SLC39A12: variants seen among roughly 807,000 people sequenced by gnomAD.
The protein encoded by SLC39A12 is solute carrier family 39 member 12.
In SLC39A12, 63 loss-of-function variants were observed where a neutral mutation model predicts 71.1. That is an observed-to-expected ratio of 0.89 (90% CI 0.72 to 1.09). SLC39A12 has a LOEUF of 1.09. Ranked by LOEUF, SLC39A12 falls within the 50% of genes least tolerant of loss-of-function variation. The probability of loss-of-function intolerance (pLI) is 0.00; values close to 1 mark genes in which losing one functional copy is unlikely to be tolerated. For synonymous variants in SLC39A12, 351 were observed against 301.3 expected, an observed-to-expected ratio of 1.16 and a Z score of -1.71; for missense variants, 892 against 812.6, an observed-to-expected ratio of 1.10 and a Z score of -1.19.
chr10:17,995,610 ATGGCC>A, intron 9 of SLC39A12, 41 bp from the exon 10 acceptor site: 1 of 1,538,054 alleles, frequency 6.5e-7, no homozygotes, highest in African/African-American at 1.4e-5. Context: ...CAACAAAATG[ATGGCC>A]ATTACTTATC....
rs1012657071 is a variant in SLC39A12 at position 18,042,705 on chromosome 10, C to T, written c.1948C>T (p.Leu650Phe). Residue 650 changes from leucine (L) to phenylalanine (F), a missense_variant and splice_region_variant, in exon 13 of 13, where the codon CTT becomes TTT. Leu to Phe is a conservative substitution (Grantham distance 22, BLOSUM62 0). Coordinates refer to ENST00000377369, the MANE Select transcript of SLC39A12 (RefSeq NM_001145195.2). ...TTCTGGTTTTTTATTCTTTTTTTAG[C>T]TTCCTGAAATGACTCATGTTCAAAC... ...MFLYLSLVEM[L>F]PEMTHVQTQR... The T allele has an allele frequency of 3.1e-6, 5 of 1,597,852 alleles. No homozygotes were observed. Among genetic ancestry groups the T allele is most frequent in the Non-Finnish European group, 4.3e-6 (5 of 1,174,868 alleles).
chr10:17,972,370 G>T (rs4747335), intron 4 of SLC39A12, among the ~76,000 whole-genome samples: 46,880 of 152,020 alleles, frequency 0.31, 7,503 homozygotes, highest in African/African-American at 0.36. Flanking sequence ...TAGTGCAGAT[G>T]AAGTTTAATG....
At chr10:18,011,415 TC>T (rs1475329763) in intron 12 of SLC39A12, among the ~76,000 whole-genome samples, 1 of 152,238 alleles carries the variant, frequency 6.6e-6, no homozygotes, top group African/African-American at 2.4e-5. Flanking sequence ...AATAACATTT[TC>T]TTTTCTCTAG....
At chr10:18,033,768 G>T (rs1373259020) in intron 12 of SLC39A12, among the ~76,000 whole-genome samples, 2 of 145,900 alleles carry the variant, frequency 1.4e-5, no homozygotes, top group Non-Finnish European at 3.0e-5. Flanking sequence ...GATCTTTCCT[G>T]CTTTCTCTTG....
In SLC39A12 at chr10:17,953,337, G is replaced by GT. The variant is rs1834452849; in HGVS notation, c.67dup (p.Ser23PhefsTer3). On this transcript the variant is annotated frameshift_variant, in exon 2 of 13. Transcript: ENST00000377369. LOFTEE classifies it high-confidence loss of function. ...GCCATTGTTTCTTCTACTCAGCCGT[G>GT]TTTTTTCTACTGAGACAGACAAACC... is the stretch of plus-strand genomic sequence containing the variant. 2.5e-6 allele frequency: 4 copies of GT among 1,614,058 alleles called. No homozygotes were observed. The highest frequency in any genetic ancestry group is 3.4e-6 in the Non-Finnish European group (4 of 1,180,042).
chr10:18,040,259 C>A (rs1454090847), intron 12 of SLC39A12, among the ~76,000 whole-genome samples: 2 of 151,948 alleles, frequency 1.3e-5, no homozygotes, highest in African/African-American at 4.8e-5. Flanking sequence ...ATGTTTAAAC[C>A]TGGCATAAAG....
At chr10:18,020,291 G>C (rs895476405) in intron 12 of SLC39A12, among the ~76,000 whole-genome samples, 1 of 151,896 alleles carries the variant, frequency 6.6e-6, no homozygotes, top group African/African-American at 2.4e-5. Flanking sequence ...GCCGCAAAAG[G>C]TGCAATCTTT....
intron 6 of SLC39A12, among the ~76,000 whole-genome samples, chr10:17,984,913 G>A (rs1309030607): frequency 6.6e-6 from 1 of 152,204 alleles, no homozygotes; most frequent in Non-Finnish European, 1.5e-5. Context: ...GGGAACAGAT[G>A]CTTAAAAGTT....
intron 10 of SLC39A12, among the ~76,000 whole-genome samples, chr10:17,998,351 G>C (rs1367849687): frequency 2.0e-5 from 3 of 152,112 alleles, no homozygotes; most frequent in Non-Finnish European, 4.4e-5. Flanking sequence ...TAATATCAAG[G>C]CTACATATAG....
intron 9 of SLC39A12, 150 bp downstream of exon 9, chr10:17,993,441 T>C: frequency 1.6e-6 from 1 of 634,142 alleles, no homozygotes; most frequent in Admixed American, 3.1e-5. Context: ...TTTAGAAAAC[T>C]CTGCCAAGCA....
intron 6 of SLC39A12, among the ~76,000 whole-genome samples, chr10:17,984,354 G>T (rs1385427340): frequency 1.3e-5 from 2 of 152,192 alleles, no homozygotes. Context: ...CCACAGAGTT[G>T]GGGTGTAGCA....
intron 4 of SLC39A12, among the ~76,000 whole-genome samples, chr10:17,975,882 G>C (rs1835096451): frequency 6.6e-6 from 1 of 152,178 alleles, no homozygotes; most frequent in Non-Finnish European, 1.5e-5. Flanking sequence ...GCTAGGGCTG[G>C]TTTAAATGCT....
intron 4 of SLC39A12, among the ~76,000 whole-genome samples, chr10:17,975,707 G>A (rs181888618): frequency 6.6e-6 from 1 of 152,284 alleles, no homozygotes; most frequent in Non-Finnish European, 1.5e-5. Flanking sequence ...TCGAAGTCCA[G>A]TGTCTCTGGG....
chr10:17,985,855 G>A (rs575254913), intron 6 of SLC39A12, among the ~76,000 whole-genome samples: 23 of 151,832 alleles, frequency 1.5e-4, no homozygotes, highest in Non-Finnish European at 2.8e-4. Context: ...TTAAAAGGAA[G>A]CCTAGAAACA....
At chr10:17,953,616 A>T in intron 2 of SLC39A12, 79 bp downstream of exon 2, 1 of 1,485,726 alleles carries the variant, frequency 6.7e-7, no homozygotes, top group South Asian at 1.3e-5. Flanking sequence ...TTATTTCAGT[A>T]AAGCAAAATC....
At chr10:17,994,932 T>C (rs1284527462) in intron 9 of SLC39A12, among the ~76,000 whole-genome samples, 1 of 151,704 alleles carries the variant, frequency 6.6e-6, no homozygotes, top group East Asian at 1.9e-4. Context: ...AAAAAGTTTT[T>C]TTATAGAATT....
In SLC39A12 at chr10:17,993,131, C is replaced by G. The variant is rs1169023569; in HGVS notation, c.1423-50C>G. The G allele has an allele frequency of 3.7e-6, 5 of 1,343,782 alleles. No homozygotes were observed. The Admixed American group carries it at 6.2e-5, about 17-fold the overall frequency. The allele number at this position is 1,343,782 out of a possible 1,614,324, so 83.2% of individuals were successfully genotyped here. The stretch of plus-strand genomic sequence containing the variant: ...GGAACCGTGGCATTGACAAAGACTA[C>G]ACCTGTGTTCTTCTGGCTTCAACAC... On this transcript the variant is annotated intron_variant, in intron 8 of 12. Coordinates refer to ENST00000377369, the MANE Select transcript of SLC39A12 (RefSeq NM_001145195.2).
intron 12 of SLC39A12, among the ~76,000 whole-genome samples, chr10:18,019,297 C>T (rs1836465712): frequency 6.6e-6 from 1 of 151,942 alleles, no homozygotes; most frequent in East Asian, 1.9e-4. Context: ...TTTTTGTTAG[C>T]CTAGCCAGAG....
chr10:17,983,593 C>T (rs1835326179), intron 6 of SLC39A12, among the ~76,000 whole-genome samples: 1 of 152,050 alleles, frequency 6.6e-6, no homozygotes, highest in Non-Finnish European at 1.5e-5. Flanking sequence ...ACCAGCCTGG[C>T]CAACATGGTA....
Sources: gnomAD v4.1 joint callset for allele counts (sites outside exome capture counted in the v4.1 genomes callset) on GRCh38, gnomAD v4.1.1 for gene constraint, MANE v1.5 for transcripts, NCBI Gene and HGNC (gene_info 2026-07-23, HGNC 2026-07-21) for gene names.